The following OPN4 variants were observed in gnomAD, a reference collection of about 807,000 sequenced individuals.
OPN4 encodes the protein melanopsin.
A neutral mutation model predicts 49.5 loss-of-function variants in OPN4; 43 were observed. The ratio of observed to expected loss-of-function variants is 0.87; its 90% CI spans 0.68 to 1.12. The LOEUF is 1.12. Ranked by LOEUF, OPN4 falls within the 50% of genes most tolerant of loss-of-function variation. OPN4 has a pLI of 0.00. For synonymous variants in OPN4, 263 were observed against 258.0 expected, an observed-to-expected ratio of 1.02 and a Z score of -0.19; for missense variants, 657 against 643.9, an observed-to-expected ratio of 1.02 and a Z score of -0.22.
chr10:86,665,870 C>T lies in OPN4; in HGVS notation c.*119C>T, dbSNP rs540403228. Reference sequence around the variant, plus strand: ...AGGCTTTGGAAGTGGCCCTGTCACCCGTGCTGCACGGGATTCACAGCCCCA... The same window carrying T: ...AGGCTTTGGAAGTGGCCCTGTCACCTGTGCTGCACGGGATTCACAGCCCCA... On this transcript the variant is annotated 3_prime_UTR_variant, in exon 10 of 10. Transcript: ENST00000241891. The T allele has an allele frequency of 1.3e-5, 10 of 798,038 alleles. No individual in the cohort carries two copies. Among genetic ancestry groups the T allele is most frequent in the South Asian group, 4.7e-5 (3 of 63,180 alleles). The allele number at this position is 798,038 out of a possible 1,614,324, so 49.4% of individuals were successfully genotyped here. A position where few individuals can be genotyped will look rare whatever the true frequency, so the allele number is the denominator to read the frequency against.
At chr10:86,662,487 C>A in intron 8 of OPN4, 55 bp downstream of exon 8, 2 of 1,492,858 alleles carry the variant, frequency 1.3e-6, no homozygotes, top group Non-Finnish European at 1.8e-6. Context: ...CCTCAGGCAG[C>A]CCTGGGGCTC....
intron 2 of OPN4, 71 bp downstream of exon 2, chr10:86,656,371 G>A: frequency 2.0e-6 from 3 of 1,520,090 alleles, no homozygotes; most frequent in Non-Finnish European, 2.7e-6. Context: ...GAAAATGCAG[G>A]CAGGAATGTT....
rs376184390 is a variant in OPN4 at position 86,665,020 on chromosome 10, C to G, written c.1399-693C>G. On this transcript the variant is annotated intron_variant, in intron 9 of 9. Transcript: ENST00000241891. Reference sequence around the variant, plus strand: ...AGGAAGATAGAGGTGAAGCAGGGATCTGCAGGCAGCAGGGGTGGGGAGTGG... The same window carrying G: ...AGGAAGATAGAGGTGAAGCAGGGATGTGCAGGCAGCAGGGGTGGGGAGTGG... 3.3e-5 allele frequency among the ~76,000 whole-genome samples: 5 copies of G among 152,288 alleles called. No individual in the cohort carries two copies. The East Asian group carries it at 5.8e-4, about 18-fold the overall frequency.
At chr10:86,661,664 A>T (rs1844010911) in intron 7 of OPN4, among the ~76,000 whole-genome samples, 1 of 151,760 alleles carries the variant, frequency 6.6e-6, no homozygotes, top group Non-Finnish European at 1.5e-5. Context: ...TAGGGCAGCC[A>T]GGACAGCCCT....
intron 3 of OPN4, 26 bp downstream of exon 3, chr10:86,658,191 G>A: frequency 6.2e-7 from 1 of 1,608,806 alleles, no homozygotes; most frequent in Non-Finnish European, 8.5e-7. Context: ...CCCTTTTGCT[G>A]GAGGGAGGAG....
intron 9 of OPN4, 139 bp from the exon 10 acceptor site, chr10:86,665,574 A>T (rs1181824419): frequency 2.9e-6 from 2 of 692,558 alleles, no homozygotes; most frequent in Admixed American, 4.6e-5. Flanking sequence ...GGGAAGGCCC[A>T]TCCCTGACCC....
Position 86,659,442 on chromosome 10 carries a change from C to T in OPN4, c.774C>T (p.Ile258=), listed in dbSNP as rs750130182. The T allele has an allele frequency of 6.2e-7, 1 of 1,614,140 alleles. No individual in the cohort carries two copies. The highest frequency in any genetic ancestry group is 1.1e-5 in the South Asian group (1 of 91,088). ...LLIIIYCYIF[I]FRAIRETGRA... ...TCATCATCTACTGCTACATCTTCAT[C>T]TTCAGGGCCATCCGGGAGACAGGAC... The change falls in exon 5 of 10, where the codon ATC becomes ATT. Residue 258 remains isoleucine, a synonymous_variant. Transcript: ENST00000241891.
In OPN4 at chr10:86,654,818, G is replaced by A. The variant is rs781123149; in HGVS notation, c.35G>A (p.Ser12Asn). The change falls in exon 1 of 10, where the codon AGC becomes AAC. Residue 12 changes from serine to asparagine, a missense_variant. Physicochemically the swap from Ser to Asn is conservative, Grantham distance 46. Coordinates refer to ENST00000241891, the MANE Select transcript of OPN4 (RefSeq NM_033282.4). ...NPPSGPRVPP[S>N]PTQEPSCMAT... ...CCTTCGGGGCCAAGAGTCCCGCCCA[G>A]CCCAACCCAAGAGCCCAGCTGCATG... The A allele has an allele frequency of 1.7e-5, 21 of 1,225,618 alleles. No individual in the cohort carries two copies. Among genetic ancestry groups the A allele is most frequent in the Non-Finnish European group, 2.3e-5 (20 of 861,964 alleles). The allele number at this position is 1,225,618 out of a possible 1,614,324, so 75.9% of individuals were successfully genotyped here. A position where few individuals can be genotyped will look rare whatever the true frequency, so the allele number is the denominator to read the frequency against.
At chr10:86,663,916 A>G in intron 9 of OPN4, 114 bp downstream of exon 9, 2 of 1,265,932 alleles carry the variant, frequency 1.6e-6, no homozygotes, top group Non-Finnish European at 2.2e-6. Flanking sequence ...GATATCCTCC[A>G]GGAATCACCT....
rs938444795 is a variant in OPN4 at position 86,665,929 on chromosome 10, T to C, written c.*178T>C. ...GCCCCTCTCCACACCTCAAAACTCC[T>C]GCCCCATAACGTCCTCCGCATCCAC... On this transcript the variant is annotated 3_prime_UTR_variant, in exon 10 of 10. Coordinates refer to ENST00000241891, the MANE Select transcript of OPN4 (RefSeq NM_033282.4). 4 of 590,950 alleles carry C rather than the reference T, an allele frequency of 6.8e-6. No homozygotes were observed. The highest frequency in any genetic ancestry group is 2.9e-5 in the East Asian group (1 of 34,538). 36.6% of individuals were successfully genotyped at this position (590,950 alleles called of 1,614,324 possible).
In OPN4 at chr10:86,662,888, T is replaced by C. The variant is rs373483752; in HGVS notation, c.1254+456T>C. On this transcript the variant is annotated intron_variant, in intron 8 of 9. Coordinates refer to ENST00000241891, the MANE Select transcript of OPN4 (RefSeq NM_033282.4). ...ACGGGATGGGCATGGGCCCTGGAGA[T>C]GGGAGATGTGGCTTTGAGCCTCAGC... Among the ~76,000 whole-genome samples the C allele has an allele frequency of 2.2e-4, 34 of 152,336 alleles. 1 individual carries two copies. The highest frequency in any genetic ancestry group is 1.4e-3 in the Admixed American group (22 of 15,302).
At chr10:86,657,093 A>C (rs931809437) in intron 2 of OPN4, 2 of 719,516 alleles carry the variant, frequency 2.8e-6, no homozygotes, top group Non-Finnish European at 2.6e-6. Context: ...AAGGGAACCC[A>C]GGCTGCAGGG....
At chr10:86,662,194 C>T in intron 7 of OPN4, 58 bp from the exon 8 acceptor site, 2 of 1,487,052 alleles carry the variant, frequency 1.3e-6, no homozygotes, top group Non-Finnish European at 9.2e-7. Context: ...GCACCCATCC[C>T]CTCCCCTGCA....
intron 9 of OPN4, among the ~76,000 whole-genome samples, chr10:86,664,931 G>A (rs576404003): frequency 9.8e-5 from 15 of 152,352 alleles, no homozygotes; most frequent in Non-Finnish European, 2.1e-4. Context: ...CATGTGATAA[G>A]CGCTGCCATT....
Position 86,656,185 on chromosome 10 carries a change from C to T in OPN4, c.175C>T (p.Pro59Ser), listed in dbSNP as rs1843857684. Residue 59 changes from proline to serine, a missense_variant, in exon 2 of 10, where the codon CCC (proline) becomes TCC (serine). Transcript: ENST00000241891. ...TGGGACTTGGGCTGCTGCCTGGGTC[C>T]CCCTCCCCACGGTTGATGTTCCAGA... ...APGTWAAAWV[P>S]LPTVDVPDHA... 3 of 1,614,060 alleles carry T rather than the reference C, an allele frequency of 1.9e-6. No individual in the cohort carries two copies. Among genetic ancestry groups the T allele is most frequent in the South Asian group, 1.1e-5 (1 of 91,086 alleles).
At chr10:86,654,999 C>A (rs1170639796) in intron 1 of OPN4, 72 bp downstream of exon 1, 44 of 1,488,810 alleles carry the variant, frequency 3.0e-5, no homozygotes, top group Non-Finnish European at 4.0e-5. Context: ...TGGCCACACA[C>A]AGGGGCTTTG....
rs34157063 is a variant in OPN4, at chr10:86,666,302, C to T, written c.*551C>T. ...TTGTGCACGCGGGCATTTGCAGGCACGCTCTCGCGTAGTTACCTATCTGAA... is the reference window on the plus strand; with the variant it reads ...TTGTGCACGCGGGCATTTGCAGGCATGCTCTCGCGTAGTTACCTATCTGAA... On this transcript the variant is annotated 3_prime_UTR_variant, in exon 10 of 10. Coordinates refer to ENST00000241891, the MANE Select transcript of OPN4 (RefSeq NM_033282.4). 3,610 of 186,936 alleles carry T rather than the reference C, an allele frequency of 0.019. 148 individuals are homozygous for T. Among genetic ancestry groups the T allele is most frequent in the African/African-American group, 0.079 (3,391 of 42,710 alleles). 11.6% of individuals were successfully genotyped at this position (186,936 alleles called of 1,614,324 possible). A position where few individuals can be genotyped will look rare whatever the true frequency, so the allele number is the denominator to read the frequency against.
intron 9 of OPN4, 142 bp from the exon 10 acceptor site, chr10:86,665,571 C>T: frequency 4.4e-6 from 3 of 678,818 alleles, no homozygotes; most frequent in Middle Eastern, 2.7e-4. Flanking sequence ...TCTGGGAAGG[C>T]CCATCCCTGA....
At chr10:86,660,458 T>TCTAGA in intron 6 of OPN4, among the ~76,000 whole-genome samples, 2 of 152,314 alleles carry the variant, frequency 1.3e-5, no homozygotes, top group South Asian at 4.1e-4. Flanking sequence ...GTCTGGGGAT[T>TCTAGA]GTGACATCTG....
Sources: gnomAD v4.1 joint callset for allele counts (sites outside exome capture counted in the v4.1 genomes callset) on GRCh38, gnomAD v4.1.1 for gene constraint, MANE v1.5 for transcripts, NCBI Gene and HGNC (gene_info 2026-07-23, HGNC 2026-07-21) for gene names.